Variants in GRID1 observed in about 807,000 individuals in gnomAD.
GRID1 encodes the protein glutamate ionotropic receptor delta type subunit 1.
A neutral mutation model predicts 98.0 loss-of-function variants in GRID1; 28 were observed. That is an observed-to-expected ratio of 0.29 (90% CI 0.21 to 0.39). The LOEUF is 0.39. Ranked by LOEUF, GRID1 falls within the 10% of genes least tolerant of loss-of-function variation. GRID1 has a pLI of 1.00. For missense variants in GRID1, 1,111 were observed against 1,340.5 expected (o/e 0.83, Z 2.67); for synonymous variants, 553 against 538.5 (o/e 1.03, Z -0.37).
intron 4 of GRID1, among the ~76,000 whole-genome samples, chr10:85,972,197 T>C (rs552950160): frequency 1.1e-4 from 16 of 151,772 alleles, no homozygotes; most frequent in African/African-American, 3.1e-4. Context: ...TGATGGCTCA[T>C]AGTGAGCTTG....
chr10:85,761,235 C>T (rs1590220083), intron 8 of GRID1, among the ~76,000 whole-genome samples: 1 of 152,176 alleles, frequency 6.6e-6, no homozygotes, highest in South Asian at 2.1e-4. Flanking sequence ...CAGTTAGCTC[C>T]TGGTCATATA....
At chr10:85,624,304 T>C (rs1842886851) in intron 13 of GRID1, among the ~76,000 whole-genome samples, 1 of 152,236 alleles carries the variant, frequency 6.6e-6, no homozygotes, top group South Asian at 2.1e-4. Flanking sequence ...GCTAGTCCAT[T>C]TATAATATGA....
chr10:85,662,748 C>T (rs1840980078), intron 12 of GRID1, among the ~76,000 whole-genome samples: 1 of 152,168 alleles, frequency 6.6e-6, no homozygotes, highest in Non-Finnish European at 1.5e-5. Flanking sequence ...GCACCATATC[C>T]ACCATGCCGC....
At chr10:85,830,226 T>G (rs1398153031) in intron 8 of GRID1, among the ~76,000 whole-genome samples, 3 of 152,106 alleles carry the variant, frequency 2.0e-5, no homozygotes, top group Non-Finnish European at 4.4e-5. Context: ...TCCTATTCAA[T>G]AAATGGTGCT....
At chr10:85,776,890 C>T (rs528906941) in intron 8 of GRID1, among the ~76,000 whole-genome samples, 2 of 152,302 alleles carry the variant, frequency 1.3e-5, no homozygotes, top group East Asian at 3.9e-4. Flanking sequence ...ACTAGCCAAG[C>T]TTTCTGGGGA....
chr10:86,063,171 C>A (rs1843672183), intron 4 of GRID1, among the ~76,000 whole-genome samples: 1 of 152,220 alleles, frequency 6.6e-6, no homozygotes, highest in Non-Finnish European at 1.5e-5. Context: ...GGCAACTGCC[C>A]TGGAACACAC....
chr10:86,176,202 C>CT (rs1272811377), intron 3 of GRID1, among the ~76,000 whole-genome samples: 1 of 152,138 alleles, frequency 6.6e-6, no homozygotes, highest in African/African-American at 2.4e-5. Flanking sequence ...GTGAACAAAG[C>CT]GTATTTCCTG....
At chr10:86,088,831 T>C (rs1010027910) in intron 4 of GRID1, among the ~76,000 whole-genome samples, 4 of 152,030 alleles carry the variant, frequency 2.6e-5, no homozygotes, top group Admixed American at 6.5e-5. Flanking sequence ...GAGTTTTCTT[T>C]TTGCCTCATA....
In GRID1 at chr10:85,916,994, C is replaced by T. The variant is rs1841630148; in HGVS notation, c.727-755G>A. Among the ~76,000 whole-genome samples the T allele has an allele frequency of 6.6e-6, 1 of 152,226 alleles. No homozygotes were observed. Among genetic ancestry groups the T allele is most frequent in the South Asian group, 2.1e-4 (1 of 4,832 alleles). ...TAACCAGCACACAGCAGGTATTCAG[C>T]AAACATTGTTGATTATGCAAATGAA... is the stretch of plus-strand genomic sequence containing the variant. On this transcript the variant is annotated intron_variant, in intron 4 of 15. Coordinates refer to ENST00000327946, the MANE Select transcript of GRID1 (RefSeq NM_017551.3). The surrounding 1 kb of genome is among the most constrained non-coding windows in gnomAD (Gnocchi z 4.0).
At chr10:86,119,943 AC>A (rs1199699335) in intron 4 of GRID1, among the ~76,000 whole-genome samples, 3 of 151,374 alleles carry the variant, frequency 2.0e-5, no homozygotes, top group Non-Finnish European at 4.4e-5. Flanking sequence ...GGTACCCGCC[AC>A]CATGCCCGGC....
rs555416465 is a variant in GRID1, at chr10:85,663,307, G to A, written c.1998-15910C>T. Among the ~76,000 whole-genome samples the A allele has an allele frequency of 1.7e-3, 262 of 152,280 alleles. 1 individual carries two copies. Among genetic ancestry groups the A allele is most frequent in the African/African-American group, 5.8e-3 (242 of 41,542 alleles). On this transcript the variant is annotated intron_variant, in intron 12 of 15. Coordinates refer to ENST00000327946, the MANE Select transcript of GRID1 (RefSeq NM_017551.3). ...ACACAGATACCTACACAGGCAGAAT[G>A]CCATGTGTAAAATGAAGGCAGAGAG...
intron 12 of GRID1, among the ~76,000 whole-genome samples, chr10:85,677,943 G>T (rs1398286268): frequency 6.6e-6 from 1 of 152,058 alleles, no homozygotes; most frequent in Non-Finnish European, 1.5e-5. Flanking sequence ...TGCCAGAAAC[G>T]CCCCAGACAC....
intron 8 of GRID1, among the ~76,000 whole-genome samples, chr10:85,812,876 A>ATG (rs916546868): frequency 4.6e-5 from 7 of 151,704 alleles, no homozygotes; most frequent in Non-Finnish European, 7.4e-5. Flanking sequence ...ACACACACAT[A>ATG]TGTGTGTATA....
At chr10:86,308,829 C>T (rs1847795565) in intron 2 of GRID1, among the ~76,000 whole-genome samples, 1 of 152,154 alleles carries the variant, frequency 6.6e-6, no homozygotes, top group African/African-American at 2.4e-5. Flanking sequence ...AGAGGGCCTA[C>T]CTCACTTCGG....
At chr10:85,662,671 T>C (rs1840979127) in intron 12 of GRID1, among the ~76,000 whole-genome samples, 1 of 152,188 alleles carries the variant, frequency 6.6e-6, no homozygotes, top group South Asian at 2.1e-4. Context: ...GTATGACATT[T>C]TTCCTGATGC....
intron 2 of GRID1, among the ~76,000 whole-genome samples, chr10:86,360,169 T>TAAA (rs111761209): frequency 6.6e-6 from 1 of 150,620 alleles, no homozygotes; most frequent in African/African-American, 2.4e-5. Flanking sequence ...TTCCCTTTTA[T>TAAA]AAAAAAAAAA....
At chr10:86,324,817 T>A (rs1431591549) in intron 2 of GRID1, among the ~76,000 whole-genome samples, 2 of 152,202 alleles carry the variant, frequency 1.3e-5, no homozygotes, top group African/African-American at 4.8e-5. Flanking sequence ...CATAACTTTT[T>A]TTTTTGACAT....
chr10:86,271,160 A>G (rs1190985405), intron 2 of GRID1, among the ~76,000 whole-genome samples: 2 of 152,248 alleles, frequency 1.3e-5, no homozygotes, highest in Non-Finnish European at 2.9e-5. Flanking sequence ...AAGGAATAGT[A>G]TCTGGTACTC....
chr10:86,058,770 C>T (rs2131911401), intron 4 of GRID1, among the ~76,000 whole-genome samples: 1 of 152,346 alleles, frequency 6.6e-6, no homozygotes, highest in South Asian at 2.1e-4. Flanking sequence ...TTTTCTTGAG[C>T]ACCCGCTGTG....
Sources: allele counts gnomAD v4.1 joint callset (sites outside exome capture counted in the v4.1 genomes callset), GRCh38; gene constraint gnomAD v4.1.1; non-coding constraint Gnocchi (gnomAD v3.1); transcripts MANE v1.5; gene names NCBI Gene and HGNC (gene_info 2026-07-23, HGNC 2026-07-21).